Variants in GPR89B observed in about 807,000 individuals in gnomAD.
The protein encoded by GPR89B is G protein-coupled receptor 89B.
Under a neutral mutation model 52.4 loss-of-function variants are expected in GPR89B, and 25 were observed. The observed-to-expected ratio is 0.48, with a 90% CI of 0.35 to 0.67. GPR89B has a LOEUF of 0.67. GPR89B is among the 30% of genes least tolerant of loss of function. The pLI is 0.01. For synonymous variants in GPR89B, 52 were observed against 151.2 expected, an observed-to-expected ratio of 0.34 and a Z score of 4.81; for missense variants, 146 against 450.2, an observed-to-expected ratio of 0.32 and a Z score of 6.11.
rs868967673 is a variant in GPR89B, at chr1:147,963,587, A to G, written c.618-2967A>G. Among the ~76,000 whole-genome samples the G allele has an allele frequency of 6.5e-3, 988 of 152,216 alleles. 6 individuals are homozygous for G. The highest frequency in any genetic ancestry group is 0.023 in the African/African-American group (951 of 41,466). ...TACAAATGGCACATAACCACATGAAAAGGTGTTCAACATTGTTAGCCATTA... is the reference window on the plus strand; with the variant it reads ...TACAAATGGCACATAACCACATGAAGAGGTGTTCAACATTGTTAGCCATTA... On this transcript the variant is annotated intron_variant, in intron 7 of 13. Coordinates refer to ENST00000314163, the MANE Select transcript of GPR89B (RefSeq NM_016334.5).
At chr1:147,947,855 G>A (rs587701542) in intron 5 of GPR89B, among the ~76,000 whole-genome samples, 1 of 151,756 alleles carries the variant, frequency 6.6e-6, no homozygotes, top group Non-Finnish European at 1.5e-5. Flanking sequence ...ATGTCTTCTT[G>A]TAAAGGGGTT....
At chr1:148,003,163 ATAAAT>A in the GPR89B span, among the ~76,000 whole-genome samples, 166 of 152,366 alleles carry the variant, frequency 1.1e-3, no homozygotes, top group African/African-American at 4.0e-3. Flanking sequence ...TTAATATTTG[ATAAAT>A]TAATGTAAAC....
intron 2 of GPR89B, among the ~76,000 whole-genome samples, chr1:147,937,577 C>T (rs1571224431): frequency 6.6e-6 from 1 of 152,092 alleles, no homozygotes; most frequent in East Asian, 1.9e-4. Flanking sequence ...AGACCTCCCT[C>T]CCAGAATGCA....
At chr1:147,957,278 T>A (rs1656185947) in intron 7 of GPR89B, among the ~76,000 whole-genome samples, 1 of 152,200 alleles carries the variant, frequency 6.6e-6, no homozygotes, top group Non-Finnish European at 1.5e-5. Context: ...TGAATTTGAA[T>A]CCTTGATCTA....
At chr1:147,928,599 C>G (rs1653220180) in intron 1 of GPR89B, 21 bp downstream of exon 1, 8 of 1,613,720 alleles carry the variant, frequency 5.0e-6, no homozygotes, top group East Asian at 2.2e-5. Flanking sequence ...GCCTCCCGCC[C>G]CGACACCCGT....
chr1:147,956,303 T>A (rs1462723831), intron 7 of GPR89B, among the ~76,000 whole-genome samples: 7 of 151,630 alleles, frequency 4.6e-5, no homozygotes, highest in Non-Finnish European at 8.9e-5. Flanking sequence ...TATTGCTTTG[T>A]AGTATAATAT....
chr1:147,973,485 A>T (rs1225076398), intron 10 of GPR89B, among the ~76,000 whole-genome samples: 1 of 151,568 alleles, frequency 6.6e-6, no homozygotes, highest in African/African-American at 2.4e-5. Context: ...TTGTCTGTTC[A>T]TGTCCTTTGC....
In GPR89B at chr1:147,992,930, T is replaced by G. The variant is rs1659169752; in HGVS notation, c.*13T>G. The G allele has an allele frequency of 2.9e-6, 4 of 1,380,050 alleles. No homozygotes were observed. The African/African-American group carries it at 4.6e-5, about 16-fold the overall frequency. The allele number at this position is 1,380,050 out of a possible 1,614,324, so 85.5% of individuals were successfully genotyped here. A position where few individuals can be genotyped will look rare whatever the true frequency, so the allele number is the denominator to read the frequency against. On this transcript the variant is annotated 3_prime_UTR_variant, in exon 14 of 14. Transcript: ENST00000314163. ...AATGGCACCTTGAACTTAAGCCTAC[T>G]ACAGACTGTTAGAGGCCAGTGGTTT...
the GPR89B span, chr1:148,014,651 T>C: frequency 6.6e-6 from 1 of 151,860 alleles, no homozygotes; most frequent in African/African-American, 2.4e-5. Context: ...TCCTCTGCTC[T>C]CCCCTCGCCA....
In GPR89B at chr1:147,936,647, G is replaced by A. The variant is rs1553247950; in HGVS notation, c.63G>A (p.Gly21=). 1.2e-6 allele frequency: 2 copies of A among 1,611,690 alleles called. No individual in the cohort carries two copies. Among genetic ancestry groups the A allele is most frequent in the East Asian group, 2.2e-5 (1 of 44,758 alleles). The part of the protein sequence containing the change: ...ITSQILFFGF[G]WLFFMRQLFK... ...TCCAGATACTATTTTTTGGATTTGG[G>A]TGGCTTTTCTTCATGCGCCAATTGT... The change falls in exon 2 of 14, where the codon GGG becomes GGA. Residue 21 remains glycine (G), a synonymous_variant. Coordinates refer to ENST00000314163, the MANE Select transcript of GPR89B (RefSeq NM_016334.5).
At chr1:148,005,332 G>C in the GPR89B span, 2 of 1,209,904 alleles carry the variant, frequency 1.7e-6, no homozygotes, top group East Asian at 4.7e-5. Context: ...AATGAGAATA[G>C]AGTGGAAGAT....
At position 147,950,294 on chromosome 1, in the gene GPR89B, C is replaced by T. The variant is rs587645798; in HGVS notation, c.416-3051C>T. On this transcript the variant is annotated intron_variant, in intron 5 of 13. Coordinates refer to ENST00000314163, the MANE Select transcript of GPR89B (RefSeq NM_016334.5). ...GTAGAGGTGCTCCTCACATCCCAGA[C>T]GGGGCGGCGGGGCAGAGGCGCTCCC... Among the ~76,000 whole-genome samples, 829 of 147,968 alleles carry T rather than the reference C, an allele frequency of 5.6e-3. 3 individuals carry two copies. The highest frequency in any genetic ancestry group is 0.014 in the Middle Eastern group (4 of 276).
the GPR89B span, among the ~76,000 whole-genome samples, chr1:148,009,798 G>A: frequency 6.6e-6 from 1 of 152,114 alleles, no homozygotes; most frequent in East Asian, 1.9e-4. Flanking sequence ...GGCACTGCTG[G>A]AATATAGAGT....
downstream of GPR89B, chr1:147,995,690 A>G (rs1333361018): frequency 3.7e-4 from 596 of 1,608,880 alleles, 3 homozygotes; most frequent in African/African-American, 7.3e-3. Context: ...CAGGGAGGAA[A>G]CAATAGGGAT....
chr1:147,964,944 T>C (rs1381904931), intron 7 of GPR89B, among the ~76,000 whole-genome samples: 3 of 151,816 alleles, frequency 2.0e-5, no homozygotes, highest in African/African-American at 7.3e-5. Context: ...AACTATTAAA[T>C]GAGTGGAATA....
chr1:147,961,345 A>G (rs1656541251), intron 7 of GPR89B, among the ~76,000 whole-genome samples: 1 of 151,966 alleles, frequency 6.6e-6, no homozygotes, highest in African/African-American at 2.4e-5. Flanking sequence ...CCAGCCCAAA[A>G]CATAAGAAAA....
chr1:148,018,725 G>T, the GPR89B span, among the ~76,000 whole-genome samples: 2 of 151,684 alleles, frequency 1.3e-5, no homozygotes, highest in African/African-American at 4.9e-5. Context: ...GGAGTGCAAT[G>T]GTGTGATCTC....
At chr1:147,965,690 G>A (rs1219152943) in intron 7 of GPR89B, among the ~76,000 whole-genome samples, 2 of 152,106 alleles carry the variant, frequency 1.3e-5, no homozygotes, top group African/African-American at 4.8e-5. Flanking sequence ...ATTGGACTTA[G>A]AGACTGATAT....
intron 12 of GPR89B, among the ~76,000 whole-genome samples, 168 bp downstream of exon 12, chr1:147,988,689 C>A (rs1228799477): frequency 1.4e-5 from 2 of 142,898 alleles, no homozygotes; most frequent in African/African-American, 5.2e-5. Flanking sequence ...ATGGTGAAAC[C>A]CCATCTCTAC....
Sources: allele counts gnomAD v4.1 joint callset (sites outside exome capture counted in the v4.1 genomes callset), GRCh38; gene constraint gnomAD v4.1.1; transcripts MANE v1.5; gene names NCBI Gene and HGNC (gene_info 2026-07-23, HGNC 2026-07-21).